CNGA3: variants seen among roughly 807,000 people sequenced by gnomAD.
CNGA3 encodes the protein cyclic nucleotide gated channel subunit alpha 3.
In CNGA3, 42 loss-of-function variants were observed where a neutral mutation model predicts 46.6. The observed-to-expected ratio is 0.90, with a 90% CI of 0.70 to 1.17. The LOEUF (loss-of-function observed/expected upper bound fraction) is 1.17, where lower values mean the gene tolerates loss of function less well. Ranked by LOEUF, CNGA3 falls within the 50% of genes most tolerant of loss-of-function variation. CNGA3 has a pLI of 0.00. For synonymous variants in CNGA3, 394 were observed against 369.4 expected (o/e 1.07, Z -0.76); for missense variants, 893 against 890.7 (o/e 1.00, Z -0.03).
chr2:98,387,473 A>G (rs1022378699), intron 5 of CNGA3, among the ~76,000 whole-genome samples: 5 of 152,190 alleles, frequency 3.3e-5, no homozygotes, highest in Non-Finnish European at 7.4e-5. Context: ...CAACTATTCA[A>G]TGGGGCATTA....
chr2:98,372,564 C>T (rs751493558), intron 2 of CNGA3, among the ~76,000 whole-genome samples: 3 of 152,144 alleles, frequency 2.0e-5, no homozygotes, highest in Admixed American at 1.3e-4. Context: ...GTCAGACTGC[C>T]TGGGATTGGA....
chr2:98,374,134 A>T (rs1692352414), intron 2 of CNGA3, among the ~76,000 whole-genome samples: 2 of 152,222 alleles, frequency 1.3e-5, no homozygotes, highest in Admixed American at 6.5e-5. Context: ...GCTGGAAAAC[A>T]TCAGATGCTT....
In CNGA3 at chr2:98,366,771, G is replaced by A. The variant is rs181170368; in HGVS notation, c.-37-3168G>A. Among the ~76,000 whole-genome samples, 30 of 152,346 alleles carry A rather than the reference G, an allele frequency of 2.0e-4. No homozygotes were observed. In the East Asian group the frequency reaches 2.1e-3, roughly 11 times the overall value. ...GAAAATGGCAGACTGGAACTCCAGT[G>A]ATGGCGGCCACCCCTTTCCCCAGGA... On this transcript the variant is annotated intron_variant, in intron 1 of 7. Transcript: ENST00000272602.
intron 4 of CNGA3, among the ~76,000 whole-genome samples, chr2:98,381,613 A>T (rs1427226151): frequency 6.6e-6 from 1 of 152,234 alleles, no homozygotes; most frequent in Non-Finnish European, 1.5e-5. Context: ...GTTCAAGGCC[A>T]TGTCTTGCCA....
intron 1 of CNGA3, among the ~76,000 whole-genome samples, chr2:98,356,541 A>G (rs1691883714): frequency 6.6e-6 from 1 of 152,148 alleles, no homozygotes; most frequent in Non-Finnish European, 1.5e-5. Context: ...GGCTGAATAG[A>G]GTCTCCTCCC....
At chr2:98,375,404 G>A (rs1410575830) in intron 2 of CNGA3, among the ~76,000 whole-genome samples, 1 of 152,198 alleles carries the variant, frequency 6.6e-6, no homozygotes, top group Non-Finnish European at 1.5e-5. Context: ...CCCCCGCCCA[G>A]CTGTCAGCTG....
intron 7 of CNGA3, among the ~76,000 whole-genome samples, chr2:98,394,516 G>C (rs1371785207): frequency 6.6e-6 from 1 of 152,204 alleles, no homozygotes; most frequent in Non-Finnish European, 1.5e-5. Context: ...CAAAAGCAGA[G>C]AGAATAGTGT....
chr2:98,380,132 G>C (rs190157410), intron 3 of CNGA3, 43 bp from the exon 4 acceptor site: 2 of 1,609,300 alleles, frequency 1.2e-6, no homozygotes, highest in African/African-American at 2.7e-5. Context: ...GGTGTGGGGG[G>C]CTTTTCCTCT....
chr2:98,380,475 T>A, intron 4 of CNGA3, 121 bp downstream of exon 4: 1 of 1,263,650 alleles, frequency 7.9e-7, no homozygotes, highest in Non-Finnish European at 1.1e-6. Flanking sequence ...CCCCATGAGC[T>A]GTTCCTTGAA....
At position 98,391,934 on chromosome 2, in the gene CNGA3, C is replaced by T. The variant is rs748346243; in HGVS notation, c.637C>T (p.Leu213=). 2.0e-5 allele frequency: 32 copies of T among 1,614,116 alleles called. No individual in the cohort carries two copies. In the South Asian group the frequency reaches 3.0e-4, roughly 15 times the overall value. ...WLVLDYSADV[L]YVLDVLVRAR... is the part of the protein sequence containing the mutation. ...GGTCCTGGACTACTCGGCAGATGTC[C>T]TGTATGTCTTGGATGTGCTTGTACG... Residue 213 remains leucine (L), a synonymous_variant, in exon 7 of 8, where the codon CTG becomes TTG. Transcript: ENST00000272602.
intron 5 of CNGA3, among the ~76,000 whole-genome samples, chr2:98,388,994 C>T (rs1001262855): frequency 1.5e-4 from 23 of 152,324 alleles, no homozygotes; most frequent in Admixed American, 4.6e-4. Flanking sequence ...CTTGAATCTG[C>T]GGGAAATTCT....
intron 2 of CNGA3, among the ~76,000 whole-genome samples, chr2:98,376,117 A>G (rs1692398505): frequency 1.3e-5 from 2 of 151,818 alleles, no homozygotes; most frequent in African/African-American, 2.4e-5. Flanking sequence ...CTTAATTCCA[A>G]AAAAAATCAA....
chr2:98,349,920 C>T (rs760364688), intron 1 of CNGA3, among the ~76,000 whole-genome samples: 9 of 152,142 alleles, frequency 5.9e-5, no homozygotes, highest in Non-Finnish European at 1.2e-4. Context: ...TTAACCAAGA[C>T]AGTACTGCAG....
chr2:98,374,958 G>A (rs767462550), intron 2 of CNGA3, among the ~76,000 whole-genome samples: 1 of 152,182 alleles, frequency 6.6e-6, no homozygotes, highest in Non-Finnish European at 1.5e-5. Context: ...GCTTTGTGAA[G>A]ATCAGGAAAC....
intron 2 of CNGA3, among the ~76,000 whole-genome samples, chr2:98,375,424 C>T (rs1692383104): frequency 6.6e-6 from 1 of 152,218 alleles, no homozygotes; most frequent in African/African-American, 2.4e-5. Flanking sequence ...GCCATCACCA[C>T]CACCCCCATG....
At chr2:98,377,642 A>G (rs767065574) in intron 2 of CNGA3, 45 bp from the exon 3 acceptor site, 14 of 1,551,094 alleles carry the variant, frequency 9.0e-6, no homozygotes, top group Non-Finnish European at 1.1e-5. Context: ...CAGGAGGTAG[A>G]TGGGCTTGAA....
intron 1 of CNGA3, among the ~76,000 whole-genome samples, chr2:98,354,138 T>C (rs1451839525): frequency 6.6e-6 from 1 of 152,238 alleles, no homozygotes; most frequent in Non-Finnish European, 1.5e-5. Flanking sequence ...CTTATAGTAG[T>C]ACCTAATACA....
intron 3 of CNGA3, chr2:98,378,034 G>A (rs1305111430): frequency 3.2e-6 from 5 of 1,547,004 alleles, no homozygotes; most frequent in Non-Finnish European, 4.4e-6. Flanking sequence ...CTTAATAAAA[G>A]CTGACATTGA....
At chr2:98,361,131 G>C (rs1692023730) in intron 1 of CNGA3, among the ~76,000 whole-genome samples, 1 of 151,950 alleles carries the variant, frequency 6.6e-6, no homozygotes, top group South Asian at 2.1e-4. Context: ...CCCATCTCTA[G>C]GTATTAAGGC....
Sources: allele counts gnomAD v4.1 joint callset (sites outside exome capture counted in the v4.1 genomes callset), GRCh38; gene constraint gnomAD v4.1.1; transcripts MANE v1.5; gene names NCBI Gene and HGNC (gene_info 2026-07-23, HGNC 2026-07-21).